Variants in SSUH2 observed in about 807,000 individuals in gnomAD.
SSUH2 encodes the protein protein SSUH2 homolog.
A neutral mutation model predicts 55.3 loss-of-function variants in SSUH2; 47 were observed. That is an observed-to-expected ratio of 0.85 (90% confidence interval 0.67 to 1.08). The LOEUF (loss-of-function observed/expected upper bound fraction) is 1.08, where lower values mean the gene tolerates loss of function less well. Among genes scored for constraint, SSUH2 ranks in the 50% least tolerant of loss-of-function variants. The pLI is 0.00. For missense variants in SSUH2, 535 were observed against 490.7 expected, an observed-to-expected ratio of 1.09 and a Z score of -0.85; for synonymous variants, 212 against 191.5, an observed-to-expected ratio of 1.11 and a Z score of -0.89.
chr3:8,679,413 TCCC>T (rs549247180), intron 2 of SSUH2, among the ~76,000 whole-genome samples: 10 of 121,286 alleles, frequency 8.2e-5, no homozygotes, highest in African/African-American at 2.7e-4. Context: ...CAGCCCCTCT[TCCC>T]CCCCTGGCTC....
At position 8,667,030 on chromosome 3, in the gene SSUH2, C is replaced by T. The variant is rs182726619; in HGVS notation, c.-454-3228G>A. On this transcript the variant is annotated intron_variant, in intron 5 of 18. Coordinates refer to the SSUH2 transcript ENST00000317371. ...GGAGTTCAGGCTGGGAGTCCACGCA[C>T]GTTCTCTGCTTCACACAGAAATTCA... is the stretch of plus-strand genomic sequence containing the variant. Among the ~76,000 whole-genome samples the T allele has an allele frequency of 5.9e-5, 9 of 152,282 alleles. 1 individual carries two copies. In the East Asian group the frequency reaches 1.5e-3, roughly 26 times the overall value.
chr3:8,626,247 A>C lies in SSUH2; in HGVS notation c.749T>G (p.Ile250Ser), dbSNP rs1474769581. 6.2e-7 allele frequency: 1 copy of C among 1,614,016 alleles called. No homozygotes were observed. The change falls in exon 9 of 12, where the codon ATC becomes AGC. Residue 250 changes from isoleucine to serine, a missense_variant. Transcript: ENST00000544814. ...CKGEKKLLHF[I>S]QLVIMWKNSL... ...CACATACCACATGATGACAAGCTGG[A>C]TGAAGTGCAACAGCTTCTTCTCCCC...
chr3:8,673,652 G>A (rs115038864), intron 3 of SSUH2, among the ~76,000 whole-genome samples: 10,677 of 152,238 alleles, frequency 0.07, 448 homozygotes, highest in Non-Finnish European at 0.099. Flanking sequence ...GGCAAAAGGC[G>A]GAGAGGGCTC....
At chr3:8,675,290 C>T (rs425547) in intron 3 of SSUH2, among the ~76,000 whole-genome samples, 1 of 152,004 alleles carries the variant, frequency 6.6e-6, no homozygotes, top group Non-Finnish European at 1.5e-5. Flanking sequence ...GGTGTCACTA[C>T]TCAGTACACT....
At chr3:8,648,630 T>C (rs1437526619), upstream of SSUH2, among the ~76,000 whole-genome samples, 1 of 152,174 alleles carries the variant, frequency 6.6e-6, no homozygotes, top group East Asian at 1.9e-4. Context: ...CTCCCTTCTG[T>C]GACTCTGGTC....
chr3:8,660,694 T>C (rs1454690841), intron 6 of SSUH2, among the ~76,000 whole-genome samples: 1 of 148,008 alleles, frequency 6.8e-6, no homozygotes, highest in Non-Finnish European at 1.5e-5. Context: ...CCAACAGCTA[T>C]GCAGGGCCAC....
At chr3:8,620,737 G>C (rs967684403) in intron 11 of SSUH2, among the ~76,000 whole-genome samples, 4 of 147,136 alleles carry the variant, frequency 2.7e-5, no homozygotes, top group African/African-American at 1.1e-4. Context: ...ATGGAGTGCT[G>C]GGGGGCAGTG....
At chr3:8,631,047 G>A (rs1698670466) in intron 5 of SSUH2, 118 bp from the exon 6 acceptor site, 7 of 1,092,464 alleles carry the variant, frequency 6.4e-6, no homozygotes, top group Non-Finnish European at 7.1e-6. Context: ...AGATCCTGGG[G>A]CTACAGGGAT....
Position 8,626,333 on chromosome 3 carries a change from A to G in SSUH2, c.675-12T>C. ...AGCAAGTGCTGCATCTGAGAAAGGC[A>G]CAGAGTCCGTACCCCCAGATCAGTT... On this transcript the variant is annotated splice_polypyrimidine_tract_variant and intron_variant, in intron 8 of 11. Transcript: ENST00000544814. 6.2e-7 allele frequency: 1 copy of G among 1,611,552 alleles called. No homozygotes were observed. Among genetic ancestry groups the G allele is most frequent in the Non-Finnish European group, 8.5e-7 (1 of 1,177,696 alleles).
intron 5 of SSUH2, among the ~76,000 whole-genome samples, chr3:8,631,513 G>A (rs1031537929): frequency 1.3e-5 from 2 of 152,180 alleles, no homozygotes; most frequent in African/African-American, 2.4e-5. Context: ...GGGAGCAGCA[G>A]GAGGAGAAAT....
chr3:8,622,019 A>T (rs1012869802), intron 11 of SSUH2, among the ~76,000 whole-genome samples: 4 of 151,260 alleles, frequency 2.6e-5, no homozygotes, highest in African/African-American at 9.7e-5. Flanking sequence ...ATCAATTGCC[A>T]TCAAGTGGTC....
At chr3:8,623,421 C>T (rs548958965) in intron 11 of SSUH2, 128 bp downstream of exon 11, 1 of 674,138 alleles carries the variant, frequency 1.5e-6, no homozygotes, top group African/African-American at 1.8e-5. Context: ...TACCCCTTCC[C>T]ACACTCCTCC....
At chr3:8,680,758 C>T (rs1439206238) in intron 1 of SSUH2, among the ~76,000 whole-genome samples, 8 of 152,014 alleles carry the variant, frequency 5.3e-5, no homozygotes, top group Admixed American at 4.6e-4. Flanking sequence ...TGTATACTTA[C>T]TGCGATATTT....
chr3:8,653,428 T>C (rs1043938786), intron 7 of SSUH2, among the ~76,000 whole-genome samples: 6 of 152,248 alleles, frequency 3.9e-5, no homozygotes, highest in Non-Finnish European at 8.8e-5. Context: ...TGCATACACT[T>C]AGAATTTTTA....
intron 1 of SSUH2, among the ~76,000 whole-genome samples, chr3:8,680,047 T>C (rs1336360040): frequency 6.6e-6 from 1 of 152,092 alleles, no homozygotes; most frequent in Non-Finnish European, 1.5e-5. Flanking sequence ...GCCCCAGCCC[T>C]GGGGCTACCC....
At chr3:8,620,055 T>C in intron 11 of SSUH2, 41 bp from the exon 12 acceptor site, 1 of 1,606,702 alleles carries the variant, frequency 6.2e-7, no homozygotes, top group Non-Finnish European at 8.5e-7. Context: ...AGTGTTCTGT[T>C]CAAGTCACTC....
intron 5 of SSUH2, among the ~76,000 whole-genome samples, chr3:8,665,608 G>A (rs891417809): frequency 6.7e-6 from 1 of 149,526 alleles, no homozygotes; most frequent in Admixed American, 6.7e-5. Context: ...AGGTCACTAA[G>A]GGAGCCCTCA....
Position 8,626,145 on chromosome 3 carries a change from CCA to C in SSUH2, c.767+82_767+83del, listed in dbSNP as rs1377979985. The C allele has an allele frequency of 4.4e-6, 5 of 1,125,006 alleles. No individual in the cohort carries two copies. The East Asian group carries it at 7.1e-5, about 16-fold the overall frequency. The allele number at this position is 1,125,006 out of a possible 1,614,324, so 69.7% of individuals were successfully genotyped here. A position where few individuals can be genotyped will look rare whatever the true frequency, so the allele number is the denominator to read the frequency against. On this transcript the variant is annotated intron_variant, in intron 9 of 11. Coordinates refer to ENST00000544814, the MANE Select transcript of SSUH2 (RefSeq NM_001256748.3). ...CTTGCACTGTGAAAGCCCCAACCAACCACAGTTTCTCTGCAGAAGCCAGTCCA... is the reference window on the plus strand; with the variant it reads ...CTTGCACTGTGAAAGCCCCAACCAACCAGTTTCTCTGCAGAAGCCAGTCCA...
At chr3:8,627,440 T>C in intron 8 of SSUH2, 1 of 371,534 alleles carries the variant, frequency 2.7e-6, no homozygotes. Flanking sequence ...CGTCCCTGTG[T>C]TTCCTCCCTG....
Sources: allele counts gnomAD v4.1 joint callset (sites outside exome capture counted in the v4.1 genomes callset), GRCh38; gene constraint gnomAD v4.1.1; transcripts MANE v1.5; gene names NCBI Gene and HGNC (gene_info 2026-07-23, HGNC 2026-07-21).